Variants in XXYLT1 observed in about 807,000 individuals in gnomAD.
XXYLT1 encodes UDP-xylose:alpha-xyloside alpha-1,3-xylosyltransferase.
Under a neutral mutation model 28.9 loss-of-function variants are expected in XXYLT1, and 20 were observed. The observed-to-expected ratio is 0.69, with a 90% CI of 0.49 to 1.00. The LOEUF (loss-of-function observed/expected upper bound fraction) is 1.00, where lower values mean the gene tolerates loss of function less well. XXYLT1 is among the 50% of genes least tolerant of loss of function. XXYLT1 has a pLI of 0.00. For missense variants in XXYLT1, 542 were observed against 560.1 expected (o/e 0.97, Z 0.33); for synonymous variants, 257 against 253.8 (o/e 1.01, Z -0.12).
intron 3 of XXYLT1, among the ~76,000 whole-genome samples, chr3:195,113,600 C>T (rs186114779): frequency 2.0e-5 from 3 of 152,246 alleles, no homozygotes; most frequent in African/African-American, 4.8e-5. Context: ...AATCCTTTTT[C>T]TCTTTAATCA....
At chr3:195,179,352 G>GAAAAAAAAAAAAAAAA in intron 2 of XXYLT1, among the ~76,000 whole-genome samples, 1 of 125,186 alleles carries the variant, frequency 8.0e-6, no homozygotes, top group African/African-American at 3.0e-5. Context: ...AAAAAAAAAA[G>GAAAAAAAAAAAAAAAA]AAAAAAAAAA....
chr3:195,103,109 G>A (rs993851127), intron 3 of XXYLT1, among the ~76,000 whole-genome samples: 5 of 152,268 alleles, frequency 3.3e-5, no homozygotes, highest in African/African-American at 1.2e-4. Flanking sequence ...TGAACGGGGA[G>A]AAGTGGCGGC....
intron 2 of XXYLT1, among the ~76,000 whole-genome samples, chr3:195,192,673 A>C (rs1424235612): frequency 2.6e-5 from 4 of 152,242 alleles, no homozygotes; most frequent in African/African-American, 7.2e-5. Flanking sequence ...AAATTGTGAG[A>C]GACTGAATCC....
chr3:195,202,064 C>A (rs904893739), intron 2 of XXYLT1, among the ~76,000 whole-genome samples: 2 of 151,834 alleles, frequency 1.3e-5, no homozygotes, highest in South Asian at 2.1e-4. Context: ...GTAATCCCAG[C>A]CACTCAGGAG....
At chr3:195,226,531 T>G (rs1398886465) in intron 2 of XXYLT1, among the ~76,000 whole-genome samples, 178 bp downstream of exon 2, 1 of 151,990 alleles carries the variant, frequency 6.6e-6, no homozygotes, top group Non-Finnish European at 1.5e-5. Context: ...GGCCCTGCCC[T>G]TGATTCTTGG....
intron 3 of XXYLT1, among the ~76,000 whole-genome samples, chr3:195,152,088 G>A (rs1216168023): frequency 1.3e-5 from 2 of 152,166 alleles, no homozygotes; most frequent in African/African-American, 2.4e-5. Context: ...TTCTGAGTAC[G>A]ACCGAATGCT....
intron 2 of XXYLT1, among the ~76,000 whole-genome samples, chr3:195,171,323 C>T (rs1721394423): frequency 6.6e-6 from 1 of 152,192 alleles, no homozygotes; most frequent in Non-Finnish European, 1.5e-5. Flanking sequence ...TACCAGCGTC[C>T]GCACACATCA....
At chr3:195,155,527 TC>T (rs1394247130) in intron 3 of XXYLT1, among the ~76,000 whole-genome samples, 1 of 138,434 alleles carries the variant, frequency 7.2e-6, no homozygotes, top group East Asian at 3.2e-4. Flanking sequence ...CTTCAGCTGT[TC>T]CTTTCCTTTT....
intron 2 of XXYLT1, chr3:195,175,910 T>C (rs1721643333): frequency 3.6e-6 from 5 of 1,407,944 alleles, no homozygotes; most frequent in Admixed American, 3.0e-5. Context: ...AAAAAAATTA[T>C]GTATGAAGTC....
At chr3:195,230,642 T>G (rs1318714444) in intron 1 of XXYLT1, among the ~76,000 whole-genome samples, 2 of 152,230 alleles carry the variant, frequency 1.3e-5, no homozygotes, top group Admixed American at 6.5e-5. Flanking sequence ...AGATTGTCCT[T>G]TCCCCAGTGT....
chr3:195,154,132 C>T (rs1395368217), intron 3 of XXYLT1: 1 of 152,164 alleles, frequency 6.6e-6, no homozygotes, highest in African/African-American at 2.4e-5. Flanking sequence ...TCCACCACCA[C>T]CAGGAATGTC....
At chr3:195,074,910 G>A (rs1396654757) in intron 3 of XXYLT1, among the ~76,000 whole-genome samples, 1 of 152,156 alleles carries the variant, frequency 6.6e-6, no homozygotes, top group Non-Finnish European at 1.5e-5. Flanking sequence ...TTGATAACAA[G>A]ACCTAAAGCA....
At position 195,256,473 on chromosome 3, in the gene XXYLT1, G is replaced by C; in HGVS notation, c.504+14082C>G. On this transcript the variant is annotated intron_variant, in intron 1 of 3. Transcript: ENST00000310380. The surrounding 1 kb of genome is among the most constrained non-coding windows in gnomAD (Gnocchi z 4.2). ...GAGAAACGAACCAGTACCTCCCAGA[G>C]GACGGAAGGGAAGTCAGCACGGAAG... 1.0e-6 allele frequency: 1 copy of C among 985,256 alleles called. No homozygotes were observed. Among genetic ancestry groups the C allele is most frequent in the Non-Finnish European group, 1.2e-6 (1 of 829,814 alleles). The allele number at this position is 985,256 out of a possible 1,614,324, so 61.0% of individuals were successfully genotyped here.
rs141832436 is a variant in XXYLT1 at position 195,130,370 on chromosome 3, G to A, written c.785+26079C>T. On this transcript the variant is annotated intron_variant, in intron 3 of 3. Transcript: ENST00000310380. The stretch of plus-strand genomic sequence containing the variant: ...TTCTAGAAACTGCTAGGCAGGTCTG[G>A]GCTTAGAGGGGAAAGGCAGAGATGA... Among the ~76,000 whole-genome samples the A allele has an allele frequency of 9.8e-4, 150 of 152,352 alleles. No individual in the cohort carries two copies. The Middle Eastern group carries it at 0.01, about 10-fold the overall frequency.
Position 195,173,337 on chromosome 3 carries a change from T to C in XXYLT1, c.653-16756A>G, listed in dbSNP as rs1240157352. On this transcript the variant is annotated intron_variant, in intron 2 of 3. Coordinates refer to ENST00000310380, the MANE Select transcript of XXYLT1 (RefSeq NM_152531.5). The surrounding 1 kb of genome is among the most constrained non-coding windows in gnomAD (Gnocchi z 4.3). ...GGAAGGCTCAGGGAAAGACGCAGCG[T>C]CTCCTCCCCCAGCATCTGCCTGGCC... 6.6e-6 allele frequency among the ~76,000 whole-genome samples: 1 copy of C among 152,064 alleles called. No homozygotes were observed. The highest frequency in any genetic ancestry group is 1.5e-5 in the Non-Finnish European group (1 of 68,006).
chr3:195,249,154 A>G (rs1725153501), intron 1 of XXYLT1, among the ~76,000 whole-genome samples: 1 of 152,182 alleles, frequency 6.6e-6, no homozygotes, highest in Non-Finnish European at 1.5e-5. Flanking sequence ...TAAAAGGCCA[A>G]GTGCGGCACC....
At chr3:195,149,251 G>GA (rs1157894376) in intron 3 of XXYLT1, among the ~76,000 whole-genome samples, 1 of 152,060 alleles carries the variant, frequency 6.6e-6, no homozygotes, top group East Asian at 1.9e-4. Context: ...AAAATTTCTG[G>GA]AAAAATAATA....
Position 195,180,759 on chromosome 3 carries a change from C to T in XXYLT1, c.653-24178G>A, listed in dbSNP as rs1216450464. On this transcript the variant is annotated intron_variant, in intron 2 of 3. Coordinates refer to ENST00000310380, the MANE Select transcript of XXYLT1 (RefSeq NM_152531.5). This position sits in a 1 kb window ranked among gnomAD's most constrained non-coding sequence, Gnocchi z 5.8. ...CCACCCCTGCAAGCACACACCTGCTCGCCAGGAGCAAGGGCAGCGCCGGCC... is the reference window on the plus strand; with the variant it reads ...CCACCCCTGCAAGCACACACCTGCTTGCCAGGAGCAAGGGCAGCGCCGGCC... 1.3e-5 allele frequency among the ~76,000 whole-genome samples: 2 copies of T among 152,196 alleles called. No homozygotes were observed. Among genetic ancestry groups the T allele is most frequent in the Non-Finnish European group, 2.9e-5 (2 of 68,030 alleles).
chr3:195,214,242 AG>A lies in XXYLT1; in HGVS notation c.652+12466del, dbSNP rs1393609937. ...AGAAGAAAATTCCAGAAAGAAGGAA[AG>A]CCCCCTCTGTGCATGGGACCATGCT... On this transcript the variant is annotated intron_variant, in intron 2 of 3. Coordinates refer to ENST00000310380, the MANE Select transcript of XXYLT1 (RefSeq NM_152531.5). Among the ~76,000 whole-genome samples, 16 of 152,250 alleles carry A rather than the reference AG, an allele frequency of 1.1e-4. No homozygotes were observed. The East Asian group carries it at 3.1e-3, about 29-fold the overall frequency.
Sources: allele counts gnomAD v4.1 joint callset (sites outside exome capture counted in the v4.1 genomes callset), GRCh38; gene constraint gnomAD v4.1.1; non-coding constraint Gnocchi (gnomAD v3.1); transcripts MANE v1.5; gene names NCBI Gene and HGNC (gene_info 2026-07-23, HGNC 2026-07-21).